Variants in USP44 observed in about 807,000 individuals in gnomAD.
The protein encoded by USP44 is ubiquitin specific peptidase 44, also known as ubiquitin carboxyl-terminal hydrolase 44.
A neutral mutation model predicts 69.0 loss-of-function variants in USP44; 61 were observed. The ratio of observed to expected loss-of-function variants is 0.88; its 90% CI spans 0.72 to 1.09. The LOEUF (loss-of-function observed/expected upper bound fraction) is 1.09, where lower values mean the gene tolerates loss of function less well. Ranked by LOEUF, USP44 falls within the 50% of genes least tolerant of loss-of-function variation. The pLI is 0.00. For missense variants in USP44, 753 were observed against 849.9 expected, an observed-to-expected ratio of 0.89 and a Z score of 1.42; for synonymous variants, 297 against 295.4, an observed-to-expected ratio of 1.01 and a Z score of -0.06.
Position 95,534,310 on chromosome 12 carries a change from C to G in USP44, c.-54G>C, listed in dbSNP as rs1263104994. On this transcript the variant is annotated 5_prime_UTR_variant, in exon 2 of 6. Transcript: ENST00000258499. ...TCCAAACAAGTCTCTGTTCACAACA[C>G]TTGAAGCATCTGAAAACTAAACAGA... The G allele has an allele frequency of 1.4e-5, 21 of 1,483,660 alleles. No individual in the cohort carries two copies. The highest frequency in any genetic ancestry group is 1.8e-5 in the Non-Finnish European group (20 of 1,092,496). 91.9% of individuals were successfully genotyped at this position (1,483,660 alleles called of 1,614,324 possible). A position where few individuals can be genotyped will look rare whatever the true frequency, so the allele number is the denominator to read the frequency against.
At chr12:95,547,960 G>A (rs2077626494) in intron 1 of USP44, 1 of 152,056 alleles carries the variant, frequency 6.6e-6, no homozygotes, top group African/African-American at 2.4e-5. Flanking sequence ...CTTTTTTCAT[G>A]GGGGCGGGGT....
rs997550067 is a variant in USP44 at position 95,550,205 on chromosome 12, A to T, written c.-71+1067T>A. Among the ~76,000 whole-genome samples, 6 of 142,076 alleles carry T rather than the reference A, an allele frequency of 4.2e-5. No individual in the cohort carries two copies. In the Admixed American group the frequency reaches 4.3e-4, roughly 10 times the overall value. 93.2% of individuals were successfully genotyped at this position (142,076 alleles called of 152,430 possible). ...TCAGAAAAAAAAAAAAAAAAAAAAAATCTGATATAACACAGGAAGTTCTTA... is the reference window on the plus strand; with the variant it reads ...TCAGAAAAAAAAAAAAAAAAAAAAATTCTGATATAACACAGGAAGTTCTTA... On this transcript the variant is annotated intron_variant, in intron 1 of 5. Coordinates refer to ENST00000258499, the MANE Select transcript of USP44 (RefSeq NM_032147.5).
At chr12:95,528,389 T>C (rs1390488280) in intron 3 of USP44, among the ~76,000 whole-genome samples, 2 of 152,216 alleles carry the variant, frequency 1.3e-5, no homozygotes, top group Non-Finnish European at 2.9e-5. Flanking sequence ...GTCCTGCATA[T>C]ATTATTTCCT....
intron 1 of USP44, among the ~76,000 whole-genome samples, chr12:95,544,301 C>T (rs1329888355): frequency 6.6e-6 from 1 of 151,906 alleles, no homozygotes; most frequent in Non-Finnish European, 1.5e-5. Context: ...GTGATCCACC[C>T]GCCTCGACCT....
At chr12:95,544,117 C>G (rs1363770025) in intron 1 of USP44, among the ~76,000 whole-genome samples, 5 of 134,172 alleles carry the variant, frequency 3.7e-5, no homozygotes, top group Admixed American at 2.3e-4. Flanking sequence ...TGCAGTGGCA[C>G]GATCTCGGCT....
At chr12:95,540,985 A>C (rs1235072340) in intron 1 of USP44, among the ~76,000 whole-genome samples, 1 of 152,248 alleles carries the variant, frequency 6.6e-6, no homozygotes, top group Non-Finnish European at 1.5e-5. Context: ...TAGCAATTTA[A>C]AACATTTGTT....
chr12:95,529,966 G>A (rs2076968644), intron 2 of USP44, among the ~76,000 whole-genome samples: 1 of 152,168 alleles, frequency 6.6e-6, no homozygotes, highest in South Asian at 2.1e-4. Context: ...ACATGGAGCT[G>A]TTTTAACAAC....
chr12:95,534,843 T>C (rs1403670362), intron 1 of USP44, among the ~76,000 whole-genome samples: 4 of 152,076 alleles, frequency 2.6e-5, no homozygotes, highest in Non-Finnish European at 5.9e-5. Flanking sequence ...ATTCAGCTAA[T>C]CTGTTTTTCG....
rs199606254 is a variant in USP44 at position 95,519,432 on chromosome 12, A to ACTTTTTTTTTTTTTTTTT, written c.1940-1080_1940-1079insAAAAAAAAAAAAAAAAAG. Among the ~76,000 whole-genome samples the ACTTTTTTTTTTTTTTTTT allele has an allele frequency of 3.5e-5, 3 of 84,544 alleles. 1 individual carries two copies. The allele number at this position is 84,544 out of a possible 152,430, so 55.5% of individuals were successfully genotyped here. On this transcript the variant is annotated intron_variant, in intron 5 of 5. Transcript: ENST00000258499. ...TTCAGACAAGGTATACTCAATCTGT[A>ACTTTTTTTTTTTTTTTTT]TTTTTTTTTTTTTTTTTTTTTTTTT... is the stretch of plus-strand genomic sequence containing the variant.
chr12:95,529,112 A>G (rs1352172192), intron 2 of USP44, 110 bp from the exon 3 acceptor site: 2 of 932,902 alleles, frequency 2.1e-6, no homozygotes, highest in Non-Finnish European at 3.0e-6. Flanking sequence ...AAAATGCACC[A>G]TTAGGATTCT....
At chr12:95,524,558 G>T in intron 4 of USP44, 122 bp downstream of exon 4, 4 of 675,766 alleles carry the variant, frequency 5.9e-6, no homozygotes, top group Non-Finnish European at 2.4e-6. Context: ...GATATTAAAA[G>T]TTAATTCATT....
At chr12:95,527,005 C>G (rs1403508484) in intron 3 of USP44, among the ~76,000 whole-genome samples, 1 of 151,928 alleles carries the variant, frequency 6.6e-6, no homozygotes, top group Non-Finnish European at 1.5e-5. Context: ...GCACCCAACA[C>G]CTGAGCAGGG....
chr12:95,517,926 C>A lies in USP44; in HGVS notation c.*228G>T. ...AGACATAAAAATATAAAAGAGGTAA[C>A]ATCAGTCTGAGGTAAACACCAAAAG... On this transcript the variant is annotated 3_prime_UTR_variant, in exon 6 of 6. Coordinates refer to ENST00000258499, the MANE Select transcript of USP44 (RefSeq NM_032147.5). 1 of 386,002 alleles carries A rather than the reference C, an allele frequency of 2.6e-6. No homozygotes were observed. The highest frequency in any genetic ancestry group is 4.1e-5 in the Admixed American group (1 of 24,478). 23.9% of individuals were successfully genotyped at this position (386,002 alleles called of 1,614,324 possible).
chr12:95,530,855 G>A (rs1022206394), intron 2 of USP44, among the ~76,000 whole-genome samples: 2 of 152,062 alleles, frequency 1.3e-5, no homozygotes, highest in Non-Finnish European at 2.9e-5. Context: ...TAGGGGAATG[G>A]TTAAGTTACG....
At position 95,517,112 on chromosome 12, in the gene USP44, TTAA is replaced by T. The variant is rs2076497614; in HGVS notation, c.*1039_*1041del. The T allele has an allele frequency of 6.6e-6, 1 of 151,694 alleles. No homozygotes were observed. 9.4% of individuals were successfully genotyped at this position (151,694 alleles called of 1,614,324 possible). On this transcript the variant is annotated 3_prime_UTR_variant, in exon 6 of 6. Coordinates refer to ENST00000258499, the MANE Select transcript of USP44 (RefSeq NM_032147.5). Reference sequence around the variant, plus strand: ...TAGCTTTTAGTTTTTTTTTTTTTTTTTAATGCTCAGGGCCAGTGTTTTAAGAGG... The same window carrying T: ...TAGCTTTTAGTTTTTTTTTTTTTTTTTGCTCAGGGCCAGTGTTTTAAGAGG...
chr12:95,539,028 G>A (rs1351705260), intron 1 of USP44, among the ~76,000 whole-genome samples: 2 of 152,142 alleles, frequency 1.3e-5, no homozygotes, highest in Non-Finnish European at 2.9e-5. Context: ...TGCAGATTCT[G>A]ACAAAATATT....
intron 4 of USP44, among the ~76,000 whole-genome samples, chr12:95,523,867 AT>A: frequency 6.6e-6 from 1 of 152,054 alleles, no homozygotes; most frequent in South Asian, 2.1e-4. Flanking sequence ...CACACCTGTC[AT>A]CTCAACATTT....
chr12:95,544,612 GA>G, intron 1 of USP44, among the ~76,000 whole-genome samples: 1 of 152,180 alleles, frequency 6.6e-6, no homozygotes, highest in South Asian at 2.1e-4. Flanking sequence ...AAGTTACCAT[GA>G]TGAATAAACA....
At position 95,532,948 on chromosome 12, in the gene USP44, G is replaced by T; in HGVS notation, c.1309C>A (p.Arg437Ser). Residue 437 changes from arginine (R) to serine (S), a missense_variant, in exon 2 of 6, where the codon CGT becomes AGT. Transcript: ENST00000258499. ...CTGGTACCAGTTGTCTCTAATTCACGTTGTATTTTATCTAAAAGTTCACAA... is the reference window on the plus strand; with the variant it reads ...CTGGTACCAGTTGTCTCTAATTCACTTTGTATTTTATCTAAAAGTTCACAA... ...FLCELLDKIQ[R>S]ELETTGTSLP... 1 of 1,614,162 alleles carries T rather than the reference G, an allele frequency of 6.2e-7. No homozygotes were observed. The highest frequency in any genetic ancestry group is 2.2e-5 in the East Asian group (1 of 44,888).
Sources: allele counts gnomAD v4.1 joint callset (sites outside exome capture counted in the v4.1 genomes callset), GRCh38; gene constraint gnomAD v4.1.1; transcripts MANE v1.5; gene names NCBI Gene and HGNC (gene_info 2026-07-23, HGNC 2026-07-21).